Variants in QTRT2 observed in about 807,000 individuals in gnomAD.
QTRT2 encodes queuine tRNA-ribosyltransferase domain containing 1.
QTRT2 carries 32 observed loss-of-function variants against 44.8 expected under a neutral mutation model. The observed-to-expected ratio is 0.71, with a 90% CI of 0.54 to 0.96. The LOEUF is 0.96. Among genes scored for constraint, QTRT2 ranks in the 40% least tolerant of loss-of-function variants. The probability of loss-of-function intolerance (pLI) is 0.00; values close to 1 mark genes in which losing one functional copy is unlikely to be tolerated. For synonymous variants in QTRT2, 182 were observed against 187.4 expected, an observed-to-expected ratio of 0.97 and a Z score of 0.24; for missense variants, 461 against 503.1, an observed-to-expected ratio of 0.92 and a Z score of 0.80.
chr3:114,065,300 G>C lies in QTRT2; in HGVS notation c.43G>C (p.Gly15Arg). ...LTKVVNGCRLGKIKNLGKTGD... is the reference protein window; with the variant it reads ...LTKVVNGCRLRKIKNLGKTGD... ...CAAGGTAGTTAATGGCTGTCGCCTA[G>C]GAAAAATAAAAAACCTGGGCAAAAC... The change falls in exon 3 of 10, where the codon GGA becomes CGA. Residue 15 changes from glycine to arginine, a missense_variant. By Grantham distance (125) the Gly-to-Arg change is moderately radical (BLOSUM62 -2). Coordinates refer to ENST00000281273, the MANE Select transcript of QTRT2 (RefSeq NM_024638.4). 1.2e-6 allele frequency: 2 copies of C among 1,614,004 alleles called. No individual in the cohort carries two copies. Among genetic ancestry groups the C allele is most frequent in the Non-Finnish European group, 1.7e-6 (2 of 1,179,994 alleles).
intron 3 of QTRT2, 121 bp from the exon 4 acceptor site, chr3:114,066,107 A>C: frequency 1.5e-6 from 1 of 680,358 alleles, no homozygotes; most frequent in Non-Finnish European, 2.5e-6. Flanking sequence ...TAATGGTGTA[A>C]TTCAAGACAG....
Position 114,056,842 on chromosome 3 carries a change from A to C in QTRT2, c.-152A>C, listed in dbSNP as rs1445127315. On this transcript the variant is annotated 5_prime_UTR_variant, in exon 1 of 10. Coordinates refer to ENST00000281273, the MANE Select transcript of QTRT2 (RefSeq NM_024638.4). ...GAGTTTGAGGGGTCTGAAGACTGAAAGAGTCGAATGGTTTGTTGGCAGGTA... is the reference window on the plus strand; with the variant it reads ...GAGTTTGAGGGGTCTGAAGACTGAACGAGTCGAATGGTTTGTTGGCAGGTA... 1 of 1,535,818 alleles carries C rather than the reference A, an allele frequency of 6.5e-7. No homozygotes were observed. The highest frequency in any genetic ancestry group is 2.0e-5 in the Admixed American group (1 of 50,910).
intron 8 of QTRT2, 88 bp downstream of exon 8, chr3:114,080,145 T>C: frequency 9.5e-7 from 1 of 1,050,800 alleles, no homozygotes. Flanking sequence ...GAAATATGTA[T>C]ATATAAAGCC....
intron 2 of QTRT2, among the ~76,000 whole-genome samples, chr3:114,059,266 G>A (rs1348004710): frequency 6.6e-6 from 1 of 152,118 alleles, no homozygotes; most frequent in African/African-American, 2.4e-5. Context: ...GACTTTCTCA[G>A]GAATGCCATC....
intron 6 of QTRT2, among the ~76,000 whole-genome samples, chr3:114,076,397 C>A (rs931525295): frequency 3.9e-5 from 6 of 152,128 alleles, no homozygotes; most frequent in African/African-American, 1.4e-4. Flanking sequence ...GTCTTGAAAT[C>A]CTGGGCTCAA....
In QTRT2 at chr3:114,082,758, A is replaced by C. The variant is rs774425379; in HGVS notation, c.980A>C (p.Glu327Ala). The C allele has an allele frequency of 6.7e-7, 1 of 1,501,812 alleles. No homozygotes were observed. Among genetic ancestry groups the C allele is most frequent in the South Asian group, 1.2e-5 (1 of 82,482 alleles). 93.0% of individuals were successfully genotyped at this position (1,501,812 alleles called of 1,614,324 possible). A position where few individuals can be genotyped will look rare whatever the true frequency, so the allele number is the denominator to read the frequency against. Residue 327 changes from glutamate (E) to alanine (A), a missense_variant, in exon 9 of 10, where the codon GAA becomes GCA. By Grantham distance (107) the Glu-to-Ala change is moderately radical. Coordinates refer to ENST00000281273, the MANE Select transcript of QTRT2 (RefSeq NM_024638.4). ...KKIETTGCNQ[E>A]ITSFEINLKE... The stretch of plus-strand genomic sequence containing the variant: ...ATTGAAACAACTGGTTGCAACCAAG[A>C]AATAACATCATTTGAAATTAATCTG...
chr3:114,060,537 TAGATAGATAAGATAGATTAGA>T (rs1559946205), intron 2 of QTRT2, among the ~76,000 whole-genome samples: 6 of 129,292 alleles, frequency 4.6e-5, no homozygotes, highest in South Asian at 2.6e-4. Context: ...GATAGATAGA[TAGATAGATAAGATAGATTAGA>T]TAGATAGATT....
chr3:114,076,807 G>C lies in QTRT2; in HGVS notation c.611G>C (p.Arg204Thr). The change falls in exon 7 of 10, where the codon AGG becomes ACG. Residue 204 changes from arginine (R) to threonine (T), a missense_variant. By Grantham distance (71) the Arg-to-Thr change is moderately conservative. Transcript: ENST00000281273. ...GGAGATGTGATGGAAGAGAGGCTGAGGTCAGCACGAGAGACAGCCAAGCGG... is the reference window on the plus strand; with the variant it reads ...GGAGATGTGATGGAAGAGAGGCTGACGTCAGCACGAGAGACAGCCAAGCGG... The part of the protein sequence containing the change: ...EGGDVMEERL[R>T]SARETAKRPV... 1 of 1,614,214 alleles carries C rather than the reference G, an allele frequency of 6.2e-7. No homozygotes were observed. The highest frequency in any genetic ancestry group is 8.5e-7 in the Non-Finnish European group (1 of 1,180,038).
intron 7 of QTRT2, chr3:114,078,764 G>A (rs765735072): frequency 2.0e-5 from 3 of 152,186 alleles, no homozygotes; most frequent in Non-Finnish European, 4.4e-5. Flanking sequence ...TCTCCAGTGA[G>A]CATTTCCTTT....
chr3:114,077,594 T>C (rs2077108028), intron 7 of QTRT2: 1 of 152,556 alleles, frequency 6.6e-6, no homozygotes, highest in African/African-American at 2.4e-5. Flanking sequence ...TGGTTTGTTA[T>C]CTTAATGTGA....
rs549759277 is a variant in QTRT2 at position 114,085,501 on chromosome 3, C to T, written c.1017-172C>T. 5.3e-5 allele frequency among the ~76,000 whole-genome samples: 8 copies of T among 152,324 alleles called. No homozygotes were observed. In the South Asian group the frequency reaches 6.2e-4, roughly 12 times the overall value. On this transcript the variant is annotated intron_variant, in intron 9 of 9. Transcript: ENST00000281273. ...GATTACAGGCATGAGCCACCACACC[C>T]GGCCCTTTGTTAACTTTTAACCATA...
chr3:114,070,522 A>G (rs1428964682), intron 5 of QTRT2, 104 bp from the exon 6 acceptor site: 15 of 932,784 alleles, frequency 1.6e-5, no homozygotes, highest in Non-Finnish European at 2.5e-5. Flanking sequence ...AATTGTCACC[A>G]TCTCTGCAGT....
At chr3:114,080,202 C>A in intron 8 of QTRT2, 145 bp downstream of exon 8, 1 of 609,856 alleles carries the variant, frequency 1.6e-6, no homozygotes, top group Non-Finnish European at 2.8e-6. Context: ...TGTGCTCTGG[C>A]ATGTTGGCAC....
intron 6 of QTRT2, 97 bp downstream of exon 6, chr3:114,070,935 C>G (rs942090619): frequency 2.1e-5 from 18 of 862,528 alleles, no homozygotes; most frequent in Admixed American, 7.1e-5. Flanking sequence ...TACTGCTGTG[C>G]TCCTCACTTC....
chr3:114,066,251 C>T lies in QTRT2; in HGVS notation c.224C>T (p.Thr75Ile), dbSNP rs766798540. The change falls in exon 4 of 10, where the codon ACA (threonine) becomes ATA (isoleucine). Residue 75 changes from threonine (T) to isoleucine (I), a missense_variant. Transcript: ENST00000281273. ...AGAGCAGAACATCATGAAGTCTTGA[C>T]AGAATATAAAGAAGGAGTTGGAAAG... Reference protein sequence around the residue: ...SSLAEHHEVLTEYKEGVGKFI... With the variant: ...SSLAEHHEVLIEYKEGVGKFI... 1.3e-5 allele frequency: 21 copies of T among 1,605,212 alleles called. No homozygotes were observed. The Admixed American group carries it at 2.0e-4, about 15-fold the overall frequency.
At chr3:114,056,956 G>T in intron 1 of QTRT2, 43 bp from the exon 2 acceptor site, 2 of 1,493,572 alleles carry the variant, frequency 1.3e-6, no homozygotes, top group Non-Finnish European at 1.8e-6. Flanking sequence ...TTGCAGTAAC[G>T]GTGATTGTAC....
intron 2 of QTRT2, among the ~76,000 whole-genome samples, chr3:114,060,515 GATA>G (rs1400848017): frequency 1.1e-5 from 1 of 94,418 alleles, no homozygotes; most frequent in African/African-American, 3.2e-5. Flanking sequence ...TAGATAGATA[GATA>G]GATAGATAGA....
intron 9 of QTRT2, among the ~76,000 whole-genome samples, chr3:114,084,983 CTGG>C (rs1212258202): frequency 1.3e-5 from 2 of 152,154 alleles, no homozygotes; most frequent in Non-Finnish European, 2.9e-5. Context: ...GATAATAATT[CTGG>C]TGGTAAGTGG....
intron 9 of QTRT2, among the ~76,000 whole-genome samples, chr3:114,083,583 G>A (rs2107807964): frequency 6.6e-6 from 1 of 152,284 alleles, no homozygotes; most frequent in East Asian, 1.9e-4. Flanking sequence ...TTTTCTTTGA[G>A]TCTGATGCAC....
Sources: allele counts gnomAD v4.1 joint callset (sites outside exome capture counted in the v4.1 genomes callset), GRCh38; gene constraint gnomAD v4.1.1; transcripts MANE v1.5; gene names NCBI Gene and HGNC (gene_info 2026-07-23, HGNC 2026-07-21).